The following CDH4 variants were observed in gnomAD, a reference collection of about 807,000 sequenced individuals.
CDH4 encodes cadherin-4.
Under a neutral mutation model 86.0 loss-of-function variants are expected in CDH4, and 33 were observed. The ratio of observed to expected loss-of-function variants is 0.38; its 90% CI spans 0.29 to 0.51. The LOEUF is 0.51. Among genes scored for constraint, CDH4 ranks in the 20% least tolerant of loss-of-function variants. The pLI is 0.86. For synonymous variants in CDH4, 555 were observed against 549.4 expected (o/e 1.01, Z -0.14); for missense variants, 1,114 against 1,307.4 (o/e 0.85, Z 2.28).
intron 2 of CDH4, among the ~76,000 whole-genome samples, chr20:61,724,164 G>A (rs1430922495): frequency 5.3e-5 from 8 of 151,840 alleles, no homozygotes; most frequent in African/African-American, 1.9e-4. Context: ...GCACAGGATG[G>A]AGGCTCCATG....
rs908273596 is a variant in CDH4 at position 61,879,596 on chromosome 20, C to T, written c.1050+5696C>T. On this transcript the variant is annotated intron_variant, in intron 7 of 15. Transcript: ENST00000614565. This position sits in a 1 kb window ranked among gnomAD's most constrained non-coding sequence, Gnocchi z 4.1. ...GATGTCAGGAGAGGCTTCGATAAGACCTGAGCGGTTCAAGTGTCTCTCGTG... is the reference window on the plus strand; with the variant it reads ...GATGTCAGGAGAGGCTTCGATAAGATCTGAGCGGTTCAAGTGTCTCTCGTG... Among the ~76,000 whole-genome samples, 1 of 152,164 alleles carries T rather than the reference C, an allele frequency of 6.6e-6. No homozygotes were observed. The highest frequency in any genetic ancestry group is 2.4e-5 in the African/African-American group (1 of 41,446).
At chr20:61,306,841 G>A (rs1335229016) in intron 2 of CDH4, among the ~76,000 whole-genome samples, 1 of 152,078 alleles carries the variant, frequency 6.6e-6, no homozygotes, top group African/African-American at 2.4e-5. Context: ...GCCTGATTTC[G>A]AACTTTGTGT....
intron 2 of CDH4, among the ~76,000 whole-genome samples, chr20:61,272,677 T>C (rs891428140): frequency 1.3e-5 from 2 of 152,136 alleles, no homozygotes; most frequent in Middle Eastern, 3.4e-3. Flanking sequence ...TATGCACAGT[T>C]TGGGGAAGTA....
At chr20:61,541,926 G>C (rs1417859711) in intron 2 of CDH4, among the ~76,000 whole-genome samples, 1 of 152,120 alleles carries the variant, frequency 6.6e-6, no homozygotes, top group Non-Finnish European at 1.5e-5. Flanking sequence ...TCTGTTTGCT[G>C]CTTGAAGCTG....
In CDH4 at chr20:61,566,796, C is replaced by T. The variant is rs78955204; in HGVS notation, c.170-176767C>T. Among the ~76,000 whole-genome samples, 84 of 152,342 alleles carry T rather than the reference C, an allele frequency of 5.5e-4. No individual in the cohort carries two copies. In the East Asian group the frequency reaches 0.013, roughly 24 times the overall value. On this transcript the variant is annotated intron_variant, in intron 2 of 15. Coordinates refer to ENST00000614565, the MANE Select transcript of CDH4 (RefSeq NM_001794.5). ...ACCGGGAGAAAGGGTCACCGAGACA[C>T]TCAACAGCTCGCTTATCGGTCACTC...
chr20:61,748,086 G>T (rs1418239178), intron 3 of CDH4, among the ~76,000 whole-genome samples: 1 of 152,192 alleles, frequency 6.6e-6, no homozygotes, highest in Non-Finnish European at 1.5e-5. Flanking sequence ...AGGAGCTGGG[G>T]CGTTGTGGGG....
Position 61,515,540 on chromosome 20 carries a change from G to A in CDH4, c.170-228023G>A, listed in dbSNP as rs1015199788. ...CTACAAAAGCTGCCTGTTGGGAGTCGGTTGTCCCTCCCTCCCTTCCTTCCC... is the reference window on the plus strand; with the variant it reads ...CTACAAAAGCTGCCTGTTGGGAGTCAGTTGTCCCTCCCTCCCTTCCTTCCC... On this transcript the variant is annotated intron_variant, in intron 2 of 15. Coordinates refer to ENST00000614565, the MANE Select transcript of CDH4 (RefSeq NM_001794.5). Among the ~76,000 whole-genome samples the A allele has an allele frequency of 4.6e-5, 7 of 152,150 alleles. No homozygotes were observed. The East Asian group carries it at 7.7e-4, about 17-fold the overall frequency.
In CDH4 at chr20:61,369,037, C is replaced by G. The variant is rs556802846; in HGVS notation, c.169+114100C>G. ...CCAAAGTGAGCAACATTCTGTAGTT[C>G]GTAGCCTACTATCGTCAAAAATGCC... is the stretch of plus-strand genomic sequence containing the variant. On this transcript the variant is annotated intron_variant, in intron 2 of 15. Transcript: ENST00000614565. Among the ~76,000 whole-genome samples, 6 of 152,234 alleles carry G rather than the reference C, an allele frequency of 3.9e-5. No individual in the cohort carries two copies. In the South Asian group the frequency reaches 1.2e-3, roughly 32 times the overall value.
Position 61,731,007 on chromosome 20 carries a change from G to A in CDH4, c.170-12556G>A, listed in dbSNP as rs2088174372. On this transcript the variant is annotated intron_variant, in intron 2 of 15. Coordinates refer to ENST00000614565, the MANE Select transcript of CDH4 (RefSeq NM_001794.5). ...GCTCCAGGGGAAGGAGCAGCTGAGG[G>A]GGTCTCAGGCAGCAAGGGTGTGCTG... Among the ~76,000 whole-genome samples the A allele has an allele frequency of 5.3e-5, 8 of 152,180 alleles. No homozygotes were observed. In the South Asian group the frequency reaches 1.7e-3, roughly 32 times the overall value.
chr20:61,594,448 AGAG>A (rs1271356197), intron 2 of CDH4, among the ~76,000 whole-genome samples: 1 of 152,144 alleles, frequency 6.6e-6, no homozygotes, highest in Non-Finnish European at 1.5e-5. Context: ...CACTGCCAAG[AGAG>A]GAGAACAGAA....
At chr20:61,536,196 C>T (rs556074032) in intron 2 of CDH4, among the ~76,000 whole-genome samples, 8 of 152,304 alleles carry the variant, frequency 5.3e-5, no homozygotes, top group South Asian at 4.1e-4. Flanking sequence ...CTGCCTCCCT[C>T]GTGTGTTCCA....
intron 2 of CDH4, among the ~76,000 whole-genome samples, chr20:61,485,897 C>T (rs1008616574): frequency 2.0e-5 from 3 of 152,238 alleles, no homozygotes; most frequent in African/African-American, 7.2e-5. Context: ...CTGATCCTCC[C>T]TTGGTTGGAG....
chr20:61,732,475 C>T (rs764188561), intron 2 of CDH4, among the ~76,000 whole-genome samples: 5 of 152,178 alleles, frequency 3.3e-5, no homozygotes, highest in Admixed American at 6.5e-5. Flanking sequence ...CCCCCAGTCT[C>T]CTCCCATCCT....
chr20:61,846,915 C>A (rs1600707728), intron 5 of CDH4, among the ~76,000 whole-genome samples: 2 of 152,194 alleles, frequency 1.3e-5, no homozygotes, highest in African/African-American at 4.8e-5. Flanking sequence ...ATCGCAGATG[C>A]AGCCTGTGGG....
intron 6 of CDH4, among the ~76,000 whole-genome samples, chr20:61,860,727 A>G (rs1237502610): frequency 6.6e-6 from 1 of 152,184 alleles, no homozygotes; most frequent in Non-Finnish European, 1.5e-5. Flanking sequence ...TCCAGGTGGC[A>G]TCCAGGCCCC....
chr20:61,658,766 C>G (rs1287438422), intron 2 of CDH4, among the ~76,000 whole-genome samples: 2 of 152,132 alleles, frequency 1.3e-5, no homozygotes, highest in Non-Finnish European at 2.9e-5. Flanking sequence ...GAAATACCAC[C>G]CCCCCACTCC....
chr20:61,584,017 G>A (rs930750013), intron 2 of CDH4, among the ~76,000 whole-genome samples: 28 of 152,128 alleles, frequency 1.8e-4, no homozygotes, highest in African/African-American at 6.0e-4. Context: ...AAAATTAGCC[G>A]GGTGTGCTGT....
chr20:61,714,790 T>G (rs2087934945), intron 2 of CDH4, among the ~76,000 whole-genome samples: 1 of 152,226 alleles, frequency 6.6e-6, no homozygotes, highest in South Asian at 2.1e-4. Flanking sequence ...TATGCTACAT[T>G]TTCCTTATTT....
At chr20:61,931,802 A>C (rs1248729079) in intron 13 of CDH4, among the ~76,000 whole-genome samples, 1 of 152,132 alleles carries the variant, frequency 6.6e-6, no homozygotes, top group Non-Finnish European at 1.5e-5. Context: ...GGCAGGAAGA[A>C]TCCAGTTCAG....
Sources: gnomAD v4.1 joint callset for allele counts (sites outside exome capture counted in the v4.1 genomes callset) on GRCh38, gnomAD v4.1.1 for gene constraint, Gnocchi (gnomAD v3.1) non-coding constraint, MANE v1.5 for transcripts, NCBI Gene and HGNC (gene_info 2026-07-23, HGNC 2026-07-21) for gene names.